The following SCN10A variants were observed in gnomAD, a reference collection of about 807,000 sequenced individuals.
SCN10A encodes the protein sodium channel protein type 10 subunit alpha.
SCN10A carries 162 observed loss-of-function variants against 170.7 expected under a neutral mutation model. That is an observed-to-expected ratio of 0.95 (90% CI 0.84 to 1.08). The LOEUF (loss-of-function observed/expected upper bound fraction) is 1.08. SCN10A is among the 50% of genes least tolerant of loss of function. SCN10A has a pLI of 0.00. For synonymous variants in SCN10A, 985 were observed against 904.6 expected (o/e 1.09, Z -1.59); for missense variants, 2,527 against 2,436.9 (o/e 1.04, Z -0.78).
intron 8 of SCN10A, among the ~76,000 whole-genome samples, chr3:38,757,510 A>C (rs901214395): frequency 7.9e-5 from 12 of 152,244 alleles, no homozygotes; most frequent in Non-Finnish European, 1.6e-4. Context: ...CATCATCTGC[A>C]GAGTTGTCTA....
At chr3:38,702,181 A>T in intron 26 of SCN10A, 72 bp from the exon 27 acceptor site, 1 of 1,471,146 alleles carries the variant, frequency 6.8e-7, no homozygotes, top group Non-Finnish European at 9.1e-7. Flanking sequence ...TTATCTGTAG[A>T]TGAGTTTTGT....
chr3:38,756,531 C>T (rs954170421), intron 10 of SCN10A, 143 bp downstream of exon 10: 18 of 711,044 alleles, frequency 2.5e-5, no homozygotes, highest in Non-Finnish European at 4.1e-5. Context: ...TTTGAGAAAA[C>T]CTGATCTAAT....
intron 18 of SCN10A, 92 bp from the exon 19 acceptor site, chr3:38,723,645 T>A (rs761592302): frequency 4.2e-5 from 61 of 1,436,816 alleles, no homozygotes; most frequent in Middle Eastern, 2.1e-4. Context: ...GCACCCATGT[T>A]TGGTGCCTCG....
intron 8 of SCN10A, among the ~76,000 whole-genome samples, chr3:38,758,834 G>T (rs1439201798): frequency 6.6e-6 from 1 of 152,244 alleles, no homozygotes. Flanking sequence ...CTGTAGAGGT[G>T]TGTAGATGGA....
intron 1 of SCN10A, among the ~76,000 whole-genome samples, chr3:38,800,288 C>T (rs2064363586): frequency 6.6e-6 from 1 of 152,172 alleles, no homozygotes; most frequent in Non-Finnish European, 1.5e-5. Context: ...CTAGCTGTGT[C>T]ACCATCACAG....
At chr3:38,752,173 T>A (rs1451721093) in intron 12 of SCN10A, 46 bp downstream of exon 12, 4 of 1,450,866 alleles carry the variant, frequency 2.8e-6, no homozygotes, top group Non-Finnish European at 3.6e-6. Flanking sequence ...TCAAGGCTTC[T>A]AGGTGGAAGA....
intron 2 of SCN10A, 54 bp from the exon 3 acceptor site, chr3:38,792,222 T>C (rs1403071660): frequency 5.0e-6 from 8 of 1,599,062 alleles, no homozygotes; most frequent in Middle Eastern, 1.7e-4. Flanking sequence ...AGATTCCTTA[T>C]ACAACCATGT....
intron 13 of SCN10A, among the ~76,000 whole-genome samples, chr3:38,744,299 C>T (rs1331250808): frequency 6.6e-6 from 1 of 152,054 alleles, no homozygotes; most frequent in Non-Finnish European, 1.5e-5. Context: ...TCATTGCATA[C>T]ACACTTGCAG....
chr3:38,735,106 C>T (rs1172935336), intron 15 of SCN10A, among the ~76,000 whole-genome samples: 3 of 144,428 alleles, frequency 2.1e-5, no homozygotes, highest in African/African-American at 7.8e-5. Flanking sequence ...GGAGGTGGAG[C>T]TGGCAATGAG....
At position 38,755,970 on chromosome 3, in the gene SCN10A, G is replaced by C. The variant is rs753878572; in HGVS notation, c.1291-12C>G. 2 of 1,614,106 alleles carry C rather than the reference G, an allele frequency of 1.2e-6. No homozygotes were observed. Among genetic ancestry groups the C allele is most frequent in the Admixed American group, 3.3e-5 (2 of 60,034 alleles). On this transcript the variant is annotated splice_polypyrimidine_tract_variant and intron_variant, in intron 10 of 27. Coordinates refer to ENST00000449082, the MANE Select transcript of SCN10A (RefSeq NM_006514.4). ...AGTGCTGCTAGCACCTGCGAAGAGAGAACAGCAGGTGTAGCCAATAGTATT... is the reference window on the plus strand; with the variant it reads ...AGTGCTGCTAGCACCTGCGAAGAGACAACAGCAGGTGTAGCCAATAGTATT...
At chr3:38,729,050 C>T (rs2063488518) in intron 15 of SCN10A, 149 bp from the exon 16 acceptor site, 1 of 914,548 alleles carries the variant, frequency 1.1e-6, no homozygotes, top group South Asian at 1.8e-5. Flanking sequence ...TTTTGGAGAC[C>T]TTTCTTCCTA....
Position 38,755,790 on chromosome 3 carries a change from T to C in SCN10A, c.1459A>G (p.Met487Val), listed in dbSNP as rs2063796804. The change falls in exon 11 of 28, where the codon ATG becomes GTG. Residue 487 changes from methionine (M) to valine (V), a missense_variant and splice_region_variant. By Grantham distance (21) the Met-to-Val change is conservative. Transcript: ENST00000449082. ...GAGCACAAACCTGAGCCTCTTACCA[T>C]CCTGCGCTGGTTGTAAGGATCAGAG... ...PRSDPYNQRR[M>V]SFLGLASGKR... 4 of 1,613,538 alleles carry C rather than the reference T, an allele frequency of 2.5e-6. No individual in the cohort carries two copies. Among genetic ancestry groups the C allele is most frequent in the Non-Finnish European group, 2.5e-6 (3 of 1,180,006 alleles).
At chr3:38,731,684 G>A (rs1172342176) in intron 15 of SCN10A, among the ~76,000 whole-genome samples, 2 of 152,192 alleles carry the variant, frequency 1.3e-5, no homozygotes, top group African/African-American at 4.8e-5. Flanking sequence ...GAATGAGCTT[G>A]CTGACGTCAT....
chr3:38,719,433 G>A (rs1373042355), intron 20 of SCN10A, among the ~76,000 whole-genome samples: 5 of 124,530 alleles, frequency 4.0e-5, no homozygotes, highest in African/African-American at 8.9e-5. Context: ...TCGCTCTGTC[G>A]CCCAGGCTGG....
chr3:38,775,773 T>C (rs1454857377), intron 4 of SCN10A, among the ~76,000 whole-genome samples: 1 of 152,192 alleles, frequency 6.6e-6, no homozygotes, highest in Admixed American at 6.5e-5. Flanking sequence ...TTATAAGGAA[T>C]GCAATACTTC....
chr3:38,705,786 C>T (rs6599243), intron 26 of SCN10A, among the ~76,000 whole-genome samples: 141,608 of 152,144 alleles, frequency 0.93, 65,962 homozygotes, highest in Middle Eastern at 0.97. Context: ...TGGCATCTGG[C>T]TCAAATGTGG....
At chr3:38,771,144 G>A (rs1017841007) in intron 5 of SCN10A, 135 bp downstream of exon 5, 1 of 913,832 alleles carries the variant, frequency 1.1e-6, no homozygotes, top group Non-Finnish European at 1.7e-6. Flanking sequence ...TCCTGCAGTG[G>A]TTCTTGGAGC....
chr3:38,710,925 G>A (rs2063267151), intron 23 of SCN10A, 28 bp from the exon 24 acceptor site: 1 of 1,603,486 alleles, frequency 6.2e-7, no homozygotes, highest in African/African-American at 1.3e-5. Flanking sequence ...AGGCCACTCA[G>A]TGTCTGCCCA....
chr3:38,738,036 T>A (rs1398903075), intron 15 of SCN10A, among the ~76,000 whole-genome samples: 1 of 151,812 alleles, frequency 6.6e-6, no homozygotes, highest in African/African-American at 2.4e-5. Context: ...ACCTCCCTGG[T>A]CTCAGGTGAT....
Sources: gnomAD v4.1 joint callset for allele counts (sites outside exome capture counted in the v4.1 genomes callset) on GRCh38, gnomAD v4.1.1 for gene constraint, MANE v1.5 for transcripts, NCBI Gene and HGNC (gene_info 2026-07-23, HGNC 2026-07-21) for gene names.